The following NSDHL variants were observed in gnomAD, a reference collection of about 807,000 sequenced individuals.
NSDHL encodes the protein sterol-4-alpha-carboxylate 3-dehydrogenase, decarboxylating.
NSDHL carries 1 observed loss-of-function variant against 23.0 expected under a neutral mutation model. The observed-to-expected ratio is 0.04, with a 90% confidence interval of 0.02 to 0.21. NSDHL has a LOEUF of 0.21. NSDHL is among the 10% of genes least tolerant of loss of function. NSDHL has a pLI of 1.00. For synonymous variants in NSDHL, 128 were observed against 121.1 expected (o/e 1.06, Z -0.37); for missense variants, 237 against 300.9 (o/e 0.79, Z 1.57).
chrX:152,833,046 C>G (rs782548002), intron 1 of NSDHL, among the ~76,000 whole-genome samples: 43 of 111,330 alleles, frequency 3.9e-4, no homozygotes, highest in Admixed American at 1.7e-3. Context: ...CATGATGATC[C>G]ACTTTCACTC....
At position 152,869,017 on chromosome X, in the gene NSDHL, G is replaced by A; in HGVS notation, c.1023G>A (p.Glu341=). The change falls in exon 8 of 8, where the codon GAG becomes GAA. Residue 341 remains glutamate (E), a synonymous_variant. Coordinates refer to ENST00000370274, the MANE Select transcript of NSDHL (RefSeq NM_015922.3). ...GCACATTCCACTACTACAGCTGCGA[G>A]AGAGCCAAAAAGGCCATGGGCTACC... The part of the protein sequence containing the change: ...LAGTFHYYSC[E]RAKKAMGYQP... 2 of 1,211,896 alleles carry A rather than the reference G, an allele frequency of 1.7e-6. No homozygotes were observed. Among genetic ancestry groups the A allele is most frequent in the Non-Finnish European group, 2.2e-6 (2 of 895,481 alleles).
In NSDHL at chrX:152,868,836, G is replaced by A. The variant is rs782143078; in HGVS notation, c.842G>A (p.Arg281His). 45 of 1,209,619 alleles carry A rather than the reference G, an allele frequency of 3.7e-5. No individual in the cohort carries two copies. In the Middle Eastern group the frequency reaches 1.1e-3, roughly 31 times the overall value. ...EPIPFWTFLS[R>H]ILTGLNYEAP... ...ATCCCTTTCTGGACATTCCTGTCTC[G>A]CATCCTGACAGGCCTCAATTATGAG... Residue 281 changes from arginine (R) to histidine (H), a missense_variant, in exon 8 of 8, where the codon CGC (arginine) becomes CAC (histidine). Arg to His is a conservative substitution (Grantham distance 29). Transcript: ENST00000370274.
intron 1 of NSDHL, among the ~76,000 whole-genome samples, chrX:152,843,555 C>T (rs1317330215): frequency 8.9e-6 from 1 of 111,826 alleles, no homozygotes; most frequent in African/African-American, 3.3e-5. Flanking sequence ...TCCATCTTCA[C>T]ATGGCCTCCT....
chrX:152,835,777 T>C (rs1194257862), intron 1 of NSDHL, among the ~76,000 whole-genome samples: 2 of 111,980 alleles, frequency 1.8e-5, no homozygotes, highest in African/African-American at 6.5e-5. Context: ...CATGAGTCTT[T>C]ATAGTAGCAT....
intron 1 of NSDHL, among the ~76,000 whole-genome samples, chrX:152,845,372 G>A (rs782515267): frequency 4.5e-5 from 5 of 111,999 alleles, no homozygotes; most frequent in Non-Finnish European, 9.4e-5. Flanking sequence ...TTAGACTCTT[G>A]TCTTGTCGTG....
intron 1 of NSDHL, among the ~76,000 whole-genome samples, chrX:152,843,856 C>G (rs1398733635): frequency 8.9e-6 from 1 of 112,537 alleles, no homozygotes; most frequent in African/African-American, 3.2e-5. Flanking sequence ...CTGCCCCATG[C>G]TGTCGCTGTA....
chrX:152,840,906 C>T (rs1392245632), intron 1 of NSDHL, among the ~76,000 whole-genome samples: 1 of 113,359 alleles, frequency 8.8e-6, no homozygotes, highest in Non-Finnish European at 1.9e-5. Flanking sequence ...ATGCCATGCC[C>T]ACAGAGGTGG....
intron 6 of NSDHL, among the ~76,000 whole-genome samples, 190 bp from the exon 7 acceptor site, chrX:152,867,381 C>T (rs782685946): frequency 8.9e-6 from 1 of 112,318 alleles, no homozygotes; most frequent in African/African-American, 3.2e-5. Context: ...ACCCTGAAGA[C>T]CCAGGAGTCC....
intron 7 of NSDHL, 141 bp downstream of exon 7, chrX:152,867,814 C>T (rs1933632371): frequency 3.9e-6 from 2 of 518,588 alleles, no homozygotes; most frequent in African/African-American, 4.5e-5. Flanking sequence ...AAGATCAAGC[C>T]CCTCTGATAG....
At chrX:152,839,576 A>G (rs782323979) in intron 1 of NSDHL, among the ~76,000 whole-genome samples, 2 of 112,461 alleles carry the variant, frequency 1.8e-5, no homozygotes, top group East Asian at 5.6e-4. Context: ...TTGGCTGGAT[A>G]TGAAATTCTA....
At chrX:152,862,872 C>A in intron 5 of NSDHL, 148 bp downstream of exon 5, 4 of 607,958 alleles carry the variant, frequency 6.6e-6, no homozygotes, top group Non-Finnish European at 1.0e-5. Context: ...TTTAAAAATA[C>A]TGTGAGAGGC....
At chrX:152,858,411 T>C (rs1933475707) in intron 3 of NSDHL, among the ~76,000 whole-genome samples, 1 of 112,322 alleles carries the variant, frequency 8.9e-6, no homozygotes, top group Admixed American at 9.4e-5. Context: ...TGTGGAACTT[T>C]TTCATGTGAT....
chrX:152,850,378 T>C lies in NSDHL; in HGVS notation c.222T>C (p.Asp74=). The C allele has an allele frequency of 3.3e-6, 4 of 1,210,993 alleles. No individual in the cohort carries two copies. The highest frequency in any genetic ancestry group is 4.5e-6 in the Non-Finnish European group (4 of 894,730). Reference sequence around the variant, plus strand: ...TATTTGATATCCAGCAAGGGTTTGATAATCCCCAGGTGCGGTTCTTTCTGG... The same window carrying C: ...TATTTGATATCCAGCAAGGGTTTGACAATCCCCAGGTGCGGTTCTTTCTGG... ...VNVFDIQQGF[D]NPQVRFFLGD... Residue 74 remains aspartate, a synonymous_variant, in exon 3 of 8, where the codon GAT becomes GAC. Coordinates refer to ENST00000370274, the MANE Select transcript of NSDHL (RefSeq NM_015922.3).
intron 5 of NSDHL, among the ~76,000 whole-genome samples, chrX:152,864,184 C>G: frequency 8.9e-6 from 1 of 112,488 alleles, no homozygotes; most frequent in Non-Finnish European, 1.9e-5. Context: ...GCTGGGATTA[C>G]AGGCGTGAGC....
chrX:152,850,710 G>A (rs782669597), intron 3 of NSDHL, among the ~76,000 whole-genome samples: 18 of 112,319 alleles, frequency 1.6e-4, no homozygotes, highest in East Asian at 8.4e-4. Flanking sequence ...TTCAAAAGCC[G>A]TCCATGGGCT....
rs375794278 is a variant in NSDHL at position 152,858,963 on chromosome X, C to G, written c.414+47C>G. 3.1e-5 allele frequency: 34 copies of G among 1,111,660 alleles called. No individual in the cohort carries two copies. The East Asian group carries it at 8.4e-4, about 27-fold the overall frequency. The allele number at this position is 1,111,660 out of a possible 1,213,427, so 91.6% of individuals were successfully genotyped here. A position where few individuals can be genotyped will look rare whatever the true frequency, so the allele number is the denominator to read the frequency against. Reference sequence around the variant, plus strand: ...GTGCTGTCAGGAGCACGTGATGGCCCTTTCTAAGGGTGCAAGGCCGTAGTT... The same window carrying G: ...GTGCTGTCAGGAGCACGTGATGGCCGTTTCTAAGGGTGCAAGGCCGTAGTT... On this transcript the variant is annotated intron_variant, in intron 4 of 7. Coordinates refer to ENST00000370274, the MANE Select transcript of NSDHL (RefSeq NM_015922.3).
At chrX:152,867,298 G>A (rs1556848193) in intron 6 of NSDHL, among the ~76,000 whole-genome samples, 1 of 112,207 alleles carries the variant, frequency 8.9e-6, no homozygotes, top group Non-Finnish European at 1.9e-5. Flanking sequence ...CCCAAATCGG[G>A]ACAGGAGAGA....
At chrX:152,846,756 C>T (rs1280033287) in intron 2 of NSDHL, among the ~76,000 whole-genome samples, 1 of 112,250 alleles carries the variant, frequency 8.9e-6, no homozygotes, top group East Asian at 2.8e-4. Flanking sequence ...GCCTTGCTCA[C>T]ACCTCTGGTA....
chrX:152,832,904 A>G (rs112271462), intron 1 of NSDHL, among the ~76,000 whole-genome samples: 1 of 111,447 alleles, frequency 9.0e-6, no homozygotes, highest in African/African-American at 3.3e-5. Context: ...CCTGAACAAC[A>G]TGGGTTTGAA....
Sources: gnomAD v4.1 joint callset for allele counts (sites outside exome capture counted in the v4.1 genomes callset) on GRCh38, gnomAD v4.1.1 for gene constraint, MANE v1.5 for transcripts, NCBI Gene and HGNC (gene_info 2026-07-23, HGNC 2026-07-21) for gene names.